TMBIM4: variants seen among roughly 807,000 people sequenced by gnomAD.
TMBIM4 encodes the protein transmembrane BAX inhibitor motif containing 4, also known as protein lifeguard 4.
TMBIM4 carries 28 observed loss-of-function variants against 27.7 expected under a neutral mutation model. That is an observed-to-expected ratio of 1.01 (90% CI 0.75 to 1.38). The LOEUF is 1.38. Ranked by LOEUF, TMBIM4 falls within the 40% of genes most tolerant of loss-of-function variation. TMBIM4 has a pLI of 0.00. For missense variants in TMBIM4, 265 were observed against 277.5 expected (o/e 0.95, Z 0.32); for synonymous variants, 115 against 113.1 (o/e 1.02, Z -0.11).
At chr12:66,157,842 A>G (rs2051961953) in intron 1 of TMBIM4, among the ~76,000 whole-genome samples, 1 of 152,216 alleles carries the variant, frequency 6.6e-6, no homozygotes, top group Non-Finnish European at 1.5e-5. Flanking sequence ...TAGGTGAACA[A>G]ACTAAGGAGA....
intron 5 of TMBIM4, among the ~76,000 whole-genome samples, chr12:66,143,996 T>C (rs1425373034): frequency 6.6e-6 from 1 of 152,192 alleles, no homozygotes; most frequent in Non-Finnish European, 1.5e-5. Context: ...TACATGGCAA[T>C]ATCCAGTAAC....
intron 1 of TMBIM4, chr12:66,160,149 T>C: frequency 1.4e-6 from 1 of 701,778 alleles, no homozygotes; most frequent in Non-Finnish European, 2.6e-6. Flanking sequence ...CCCAGAAAGC[T>C]GAGTATGTTT....
chr12:66,164,159 T>C (rs890113674), intron 1 of TMBIM4, among the ~76,000 whole-genome samples: 4 of 152,180 alleles, frequency 2.6e-5, no homozygotes, highest in African/African-American at 9.7e-5. Context: ...AAAGTAGGAA[T>C]TGAAAGAAAC....
intron 1 of TMBIM4, chr12:66,161,226 A>G (rs1374625400): frequency 1.3e-5 from 2 of 152,410 alleles, no homozygotes; most frequent in African/African-American, 2.4e-5. Flanking sequence ...AAATGTACAC[A>G]TTACAAGCAG....
chr12:66,154,240 G>T (rs185838489), intron 1 of TMBIM4, among the ~76,000 whole-genome samples: 2 of 151,996 alleles, frequency 1.3e-5, no homozygotes, highest in East Asian at 3.9e-4. Context: ...TCTCAGTTCC[G>T]CATTCTGAAT....
intron 1 of TMBIM4, among the ~76,000 whole-genome samples, chr12:66,155,600 G>T (rs2051923177): frequency 6.6e-6 from 1 of 151,954 alleles, no homozygotes; most frequent in South Asian, 2.1e-4. Context: ...CCAAAGTGTT[G>T]GGATTACAGG....
At chr12:66,150,370 T>A in intron 3 of TMBIM4, among the ~76,000 whole-genome samples, 1 of 151,924 alleles carries the variant, frequency 6.6e-6, no homozygotes, top group East Asian at 1.9e-4. Flanking sequence ...ATTCTTTCTC[T>A]CTCCTTTCTT....
chr12:66,153,300 C>G, intron 2 of TMBIM4, 40 bp downstream of exon 2: 1 of 1,167,716 alleles, frequency 8.6e-7, no homozygotes, highest in Non-Finnish European at 1.2e-6. Flanking sequence ...TGATCATATG[C>G]AATGTCTGAA....
rs1343634472 is a variant in TMBIM4, at chr12:66,137,980, C to T, written c.697G>A (p.Glu233Lys). 6.2e-7 allele frequency: 1 copy of T among 1,613,166 alleles called. No homozygotes were observed. Among genetic ancestry groups the T allele is most frequent in the Non-Finnish European group, 8.5e-7 (1 of 1,179,838 alleles). The change falls in exon 7 of 7, where the codon GAA becomes AAA. Residue 233 changes from glutamate (E) to lysine (K), a missense_variant. By Grantham distance (56) the Glu-to-Lys change is moderately conservative. Coordinates refer to ENST00000358230, the MANE Select transcript of TMBIM4 (RefSeq NM_016056.4). ...TTTAATTACTTTTTATTAACTGCTT[C>T]CAGAAACCGTAACAGGTGCAGGAAT... ...NLFLHLLRFL[E>K]AVNKK is the part of the protein sequence containing the mutation.
intron 1 of TMBIM4, among the ~76,000 whole-genome samples, chr12:66,164,852 A>T (rs2052099383): frequency 6.6e-6 from 1 of 152,238 alleles, no homozygotes; most frequent in Non-Finnish European, 1.5e-5. Context: ...AAGATTCCAT[A>T]AACTGTTAGA....
At chr12:66,153,567 A>C in intron 1 of TMBIM4, 119 bp from the exon 2 acceptor site, 1 of 514,100 alleles carries the variant, frequency 1.9e-6, no homozygotes, top group East Asian at 3.5e-5. Context: ...TTTTCCTCCT[A>C]ATAATGTAAT....
intron 1 of TMBIM4, among the ~76,000 whole-genome samples, chr12:66,155,968 A>AT (rs1455104849): frequency 2.0e-5 from 3 of 152,192 alleles, no homozygotes; most frequent in African/African-American, 7.2e-5. Context: ...AATTAAAAAC[A>AT]TTTTAAAGAA....
At chr12:66,140,677 C>G (rs1168038660) in intron 5 of TMBIM4, among the ~76,000 whole-genome samples, 3 of 152,114 alleles carry the variant, frequency 2.0e-5, no homozygotes, top group Non-Finnish European at 2.9e-5. Flanking sequence ...GGAGGGATCA[C>G]TTGAACCCAG....
At chr12:66,147,833 A>T in intron 4 of TMBIM4, 75 bp downstream of exon 4, 5 of 1,250,808 alleles carry the variant, frequency 4.0e-6, no homozygotes, top group Non-Finnish European at 5.6e-6. Context: ...CTTTAGCCCC[A>T]AATACCTTTT....
intron 1 of TMBIM4, among the ~76,000 whole-genome samples, chr12:66,155,405 T>C (rs767464417): frequency 6.0e-5 from 9 of 149,584 alleles, no homozygotes; most frequent in Non-Finnish European, 8.9e-5. Context: ...AGTGGCATGA[T>C]CATGATTCAC....
intron 1 of TMBIM4, among the ~76,000 whole-genome samples, chr12:66,167,149 G>GT (rs1323120207): frequency 6.6e-6 from 1 of 152,220 alleles, no homozygotes; most frequent in Non-Finnish European, 1.5e-5. Flanking sequence ...GAGGAAGGCA[G>GT]TGAAACTATT....
rs1318693174 is a variant in TMBIM4 at position 66,136,041 on chromosome 12, C to A, written c.*1919G>T. The stretch of plus-strand genomic sequence containing the variant: ...CTGCCAAATCCCCCTCTGTGAGAAA[C>A]AACCAAGAATTATCAATAAAAAAAT... On this transcript the variant is annotated 3_prime_UTR_variant, in exon 7 of 7. Coordinates refer to ENST00000358230, the MANE Select transcript of TMBIM4 (RefSeq NM_016056.4). The A allele has an allele frequency of 1.1e-5, 1 of 90,566 alleles. No homozygotes were observed. The highest frequency in any genetic ancestry group is 2.4e-5 in the Non-Finnish European group (1 of 42,026). The allele number at this position is 90,566 out of a possible 1,614,324, so 5.6% of individuals were successfully genotyped here.
At chr12:66,144,021 G>A (rs933275440) in intron 5 of TMBIM4, among the ~76,000 whole-genome samples, 1 of 152,208 alleles carries the variant, frequency 6.6e-6, no homozygotes, top group African/African-American at 2.4e-5. Context: ...AGCAGTAGAT[G>A]TGATTCAGTG....
At chr12:66,164,829 G>A (rs2052099127) in intron 1 of TMBIM4, among the ~76,000 whole-genome samples, 1 of 152,166 alleles carries the variant, frequency 6.6e-6, no homozygotes, top group South Asian at 2.1e-4. Flanking sequence ...GACCTTACAT[G>A]TAGAAAACCC....
Sources: gnomAD v4.1 joint callset for allele counts (sites outside exome capture counted in the v4.1 genomes callset) on GRCh38, gnomAD v4.1.1 for gene constraint, MANE v1.5 for transcripts, NCBI Gene and HGNC (gene_info 2026-07-23, HGNC 2026-07-21) for gene names.